The following MEGF9 variants were observed in gnomAD, a reference collection of about 807,000 sequenced individuals.
The protein encoded by MEGF9 is multiple EGF like domains 9.
A neutral mutation model predicts 46.8 loss-of-function variants in MEGF9; 6 were observed. That is an observed-to-expected ratio of 0.13 (90% CI 0.07 to 0.25). The LOEUF (loss-of-function observed/expected upper bound fraction) is 0.25. Ranked by LOEUF, MEGF9 falls within the 10% of genes least tolerant of loss-of-function variation. The pLI is 1.00. For missense variants in MEGF9, 683 were observed against 792.4 expected (o/e 0.86, Z 1.66); for synonymous variants, 302 against 330.7 (o/e 0.91, Z 0.94).
At chr9:120,609,816 T>C (rs1465490000) in intron 4 of MEGF9, among the ~76,000 whole-genome samples, 8 of 152,214 alleles carry the variant, frequency 5.3e-5, no homozygotes. Context: ...ATAGCAGGAA[T>C]ACTTTACAGT....
At chr9:120,609,737 C>G (rs1236035131) in intron 4 of MEGF9, among the ~76,000 whole-genome samples, 1 of 151,980 alleles carries the variant, frequency 6.6e-6, no homozygotes. Flanking sequence ...TTAGTTCTTT[C>G]CTTAGAATTT....
intron 2 of MEGF9, among the ~76,000 whole-genome samples, chr9:120,623,446 G>C (rs2043508196): frequency 6.6e-6 from 1 of 152,184 alleles, no homozygotes; most frequent in African/African-American, 2.4e-5. Context: ...CTTATTGCTT[G>C]AAGAGAAGCT....
chr9:120,642,907 C>T (rs1188576012), intron 2 of MEGF9, among the ~76,000 whole-genome samples: 2 of 152,134 alleles, frequency 1.3e-5, no homozygotes, highest in Admixed American at 1.3e-4. Context: ...TAGAAAACCC[C>T]AAACTGAAAA....
At chr9:120,627,750 A>G (rs554792508) in intron 2 of MEGF9, among the ~76,000 whole-genome samples, 1 of 152,376 alleles carries the variant, frequency 6.6e-6, no homozygotes, top group East Asian at 1.9e-4. Flanking sequence ...GGTGTGAGCC[A>G]CTGCGCCCAG....
intron 1 of MEGF9, among the ~76,000 whole-genome samples, chr9:120,670,849 C>T (rs1187934253): frequency 6.6e-6 from 1 of 152,190 alleles, no homozygotes; most frequent in Non-Finnish European, 1.5e-5. Flanking sequence ...TCACTCTTTA[C>T]AGAATTTACC....
intron 2 of MEGF9, among the ~76,000 whole-genome samples, chr9:120,624,921 G>A (rs1353514149): frequency 6.6e-6 from 1 of 151,684 alleles, no homozygotes; most frequent in African/African-American, 2.4e-5. Context: ...TTGTGAGGCT[G>A]CACTACTAGT....
At chr9:120,653,453 C>T (rs1401896766) in intron 2 of MEGF9, among the ~76,000 whole-genome samples, 4 of 151,574 alleles carry the variant, frequency 2.6e-5, no homozygotes, top group South Asian at 4.2e-4. Flanking sequence ...CTCACTGCAA[C>T]TTCCACCTCC....
chr9:120,619,033 T>C (rs993662516), intron 3 of MEGF9, among the ~76,000 whole-genome samples: 2 of 152,186 alleles, frequency 1.3e-5, no homozygotes, highest in Admixed American at 6.5e-5. Context: ...TTTCTCATAT[T>C]GCTATATATC....
intron 2 of MEGF9, among the ~76,000 whole-genome samples, chr9:120,633,385 A>T (rs997077602): frequency 2.0e-5 from 3 of 152,120 alleles, no homozygotes; most frequent in African/African-American, 7.2e-5. Context: ...CTTGGCATAC[A>T]GTTGTTTGTA....
chr9:120,712,745 C>T (rs2043959467), intron 1 of MEGF9, among the ~76,000 whole-genome samples: 1 of 152,126 alleles, frequency 6.6e-6, no homozygotes, highest in Non-Finnish European at 1.5e-5. Flanking sequence ...GGTCAGAGAC[C>T]CAGCTAGACA....
At position 120,662,866 on chromosome 9, in the gene MEGF9, C is replaced by T. The variant is rs533210503; in HGVS notation, c.602-3291G>A. On this transcript the variant is annotated intron_variant, in intron 1 of 5. Coordinates refer to ENST00000373930, the MANE Select transcript of MEGF9 (RefSeq NM_001080497.3). ...GGGAAACAGAATTAGTGGGCTGTTACGCAGAAATCCATGTTGTGGTTCATC... is the reference window on the plus strand; with the variant it reads ...GGGAAACAGAATTAGTGGGCTGTTATGCAGAAATCCATGTTGTGGTTCATC... Among the ~76,000 whole-genome samples, 13 of 152,258 alleles carry T rather than the reference C, an allele frequency of 8.5e-5. No homozygotes were observed. In the South Asian group the frequency reaches 1.5e-3, roughly 17 times the overall value.
intron 2 of MEGF9, among the ~76,000 whole-genome samples, chr9:120,645,817 T>C (rs2043623764): frequency 1.3e-5 from 2 of 152,232 alleles, no homozygotes; most frequent in Non-Finnish European, 2.9e-5. Flanking sequence ...TTTGGATTTC[T>C]TTTCAGTAAT....
chr9:120,647,087 A>G (rs533776542), intron 2 of MEGF9, among the ~76,000 whole-genome samples: 1 of 152,158 alleles, frequency 6.6e-6, no homozygotes, highest in Non-Finnish European at 1.5e-5. Flanking sequence ...ATCAACGGCA[A>G]TATCAACACA....
intron 1 of MEGF9, among the ~76,000 whole-genome samples, chr9:120,688,742 G>GT (rs2043835457): frequency 6.6e-6 from 1 of 152,110 alleles, no homozygotes; most frequent in African/African-American, 2.4e-5. Flanking sequence ...GAAGCGTATG[G>GT]TAAGTATATG....
At chr9:120,659,989 A>G (rs1445287547) in intron 1 of MEGF9, among the ~76,000 whole-genome samples, 1 of 151,018 alleles carries the variant, frequency 6.6e-6, no homozygotes, top group Non-Finnish European at 1.5e-5. Context: ...AGGTCATACT[A>G]GATTGTGCCA....
At position 120,695,603 on chromosome 9, in the gene MEGF9, C is replaced by CAAAAAAAAAAAAAAAAAAA. The variant is rs370281228; in HGVS notation, c.601+18136_601+18154dup. 3.7e-4 allele frequency among the ~76,000 whole-genome samples: 7 copies of CAAAAAAAAAAAAAAAAAAA among 18,688 alleles called. 2 individuals carry two copies. Among genetic ancestry groups the CAAAAAAAAAAAAAAAAAAA allele is most frequent in the African/African-American group, 8.5e-4 (7 of 8,268 alleles). 12.3% of individuals were successfully genotyped at this position (18,688 alleles called of 152,430 possible). A position where few individuals can be genotyped will look rare whatever the true frequency, so the allele number is the denominator to read the frequency against. ...TGGGTGACAGTGTGAGACCCCATCT[C>CAAAAAAAAAAAAAAAAAAA]AAAAAAAAAAAAAAAAAAAAAAAAA... On this transcript the variant is annotated intron_variant, in intron 1 of 5. Transcript: ENST00000373930.
At chr9:120,712,383 C>T (rs2043957974) in intron 1 of MEGF9, among the ~76,000 whole-genome samples, 1 of 152,204 alleles carries the variant, frequency 6.6e-6, no homozygotes, top group African/African-American at 2.4e-5. Flanking sequence ...GCCGCCTAAG[C>T]TTACACAGCT....
At chr9:120,706,282 A>G (rs1381458749) in intron 1 of MEGF9, among the ~76,000 whole-genome samples, 1 of 152,162 alleles carries the variant, frequency 6.6e-6, no homozygotes, top group Non-Finnish European at 1.5e-5. Flanking sequence ...ACTAGCCAGG[A>G]GGCTTCCTGG....
chr9:120,605,244 C>T lies in MEGF9; in HGVS notation c.1755G>A (p.Val585=), dbSNP rs764070750. 5.5e-5 allele frequency: 88 copies of T among 1,613,852 alleles called. No homozygotes were observed. Among genetic ancestry groups the T allele is most frequent in the Non-Finnish European group, 6.9e-5 (82 of 1,179,878 alleles). The change falls in exon 6 of 6, where the codon GTG becomes GTA. Residue 585 remains valine (V), a synonymous_variant. Coordinates refer to ENST00000373930, the MANE Select transcript of MEGF9 (RefSeq NM_001080497.3). The surrounding 1 kb of genome is among the most constrained non-coding windows in gnomAD (Gnocchi z 4.0). The part of the protein sequence containing the change: ...SGLLEDDGNE[V]APNGQLTLTT... ...TCAGGGTCAGCTGCCCATTGGGAGC[C>T]ACTTCATTGCCATCATCTTCCAACA...
Sources: gnomAD v4.1 joint callset for allele counts (sites outside exome capture counted in the v4.1 genomes callset) on GRCh38, gnomAD v4.1.1 for gene constraint, Gnocchi (gnomAD v3.1) non-coding constraint, MANE v1.5 for transcripts, NCBI Gene and HGNC (gene_info 2026-07-23, HGNC 2026-07-21) for gene names.